GUCY1A1: variants seen among roughly 807,000 people sequenced by gnomAD.
GUCY1A1 encodes guanylate cyclase 1 soluble subunit alpha 1.
A neutral mutation model predicts 64.5 loss-of-function variants in GUCY1A1; 48 were observed. The observed-to-expected ratio is 0.74, with a 90% confidence interval of 0.59 to 0.95. The LOEUF is 0.95. Among genes scored for constraint, GUCY1A1 ranks in the 40% least tolerant of loss-of-function variants. GUCY1A1 has a pLI of 0.00. For missense variants in GUCY1A1, 804 were observed against 825.3 expected (o/e 0.97, Z 0.32); for synonymous variants, 308 against 303.4 (o/e 1.02, Z -0.16).
chr4:155,717,472 A>G (rs1054803529), intron 8 of GUCY1A1, among the ~76,000 whole-genome samples, 170 bp downstream of exon 8: 2 of 152,190 alleles, frequency 1.3e-5, no homozygotes, highest in Admixed American at 6.5e-5. Context: ...GAAATTTATT[A>G]TAGGGTATTA....
rs1393429213 is a variant in GUCY1A1 at position 155,731,508 on chromosome 4, C to T, written c.*1277C>T. 4 of 151,746 alleles carry T rather than the reference C, an allele frequency of 2.6e-5. No individual in the cohort carries two copies. The highest frequency in any genetic ancestry group is 5.9e-5 in the Non-Finnish European group (4 of 67,822). The allele number at this position is 151,746 out of a possible 1,614,324, so 9.4% of individuals were successfully genotyped here. On this transcript the variant is annotated 3_prime_UTR_variant, in exon 10 of 10. Transcript: ENST00000506455. ...CTAAGTATTTTTTCCGGAACTTCAACTTTTTCTTTTTGTTTTACATAAACA... is the reference window on the plus strand; with the variant it reads ...CTAAGTATTTTTTCCGGAACTTCAATTTTTTCTTTTTGTTTTACATAAACA...
At chr4:155,668,280 A>G (rs1406825329) in intron 2 of GUCY1A1, 1 of 152,192 alleles carries the variant, frequency 6.6e-6, no homozygotes, top group African/African-American at 2.4e-5. Context: ...TTATTCTTTC[A>G]TTTTGCACTC....
intron 4 of GUCY1A1, among the ~76,000 whole-genome samples, chr4:155,707,259 A>G (rs1265535515): frequency 1.3e-5 from 2 of 152,202 alleles, no homozygotes; most frequent in Non-Finnish European, 2.9e-5. Flanking sequence ...CCTACAGTGG[A>G]GTTACGTCCA....
chr4:155,701,188 T>C (rs189667794), intron 3 of GUCY1A1, among the ~76,000 whole-genome samples: 98 of 152,308 alleles, frequency 6.4e-4, no homozygotes, highest in Non-Finnish European at 1.9e-4. Context: ...TTGTTTTGAA[T>C]TTACAAAAAT....
intron 7 of GUCY1A1, among the ~76,000 whole-genome samples, chr4:155,715,251 C>T (rs1288173404): frequency 6.6e-6 from 1 of 152,062 alleles, no homozygotes; most frequent in East Asian, 1.9e-4. Flanking sequence ...TTCAGATACA[C>T]AAAATGTATA....
chr4:155,680,458 A>ATG (rs1299113001), intron 2 of GUCY1A1, among the ~76,000 whole-genome samples: 4 of 86,028 alleles, frequency 4.6e-5, no homozygotes, highest in Admixed American at 1.6e-4. Context: ...AATTTTAAGT[A>ATG]TATGTGTGTG....
Position 155,713,359 on chromosome 4 carries a change from A to C in GUCY1A1, c.1348A>C (p.Thr450Pro). 1.9e-6 allele frequency: 3 copies of C among 1,614,184 alleles called. No individual in the cohort carries two copies. Among genetic ancestry groups the C allele is most frequent in the Non-Finnish European group, 2.5e-6 (3 of 1,180,030 alleles). Residue 450 changes from threonine (T) to proline (P), a missense_variant, in exon 7 of 10, where the codon ACA (threonine) becomes CCA (proline). By Grantham distance (38) the Thr-to-Pro change is conservative (BLOSUM62 -1). Transcript: ENST00000506455. ...AGCCCTGGAGGAGGAGAAGAAAAAG[A>C]CAGTAGACCTTCTGTGCTCCATATT... ...HQALEEEKKKTVDLLCSIFPC... is the reference protein window; with the variant it reads ...HQALEEEKKKPVDLLCSIFPC...
At chr4:155,712,897 A>G (rs981788742) in intron 6 of GUCY1A1, among the ~76,000 whole-genome samples, 3 of 152,258 alleles carry the variant, frequency 2.0e-5, no homozygotes, top group African/African-American at 7.2e-5. Context: ...ATTTCTGTGT[A>G]GAGTATACTC....
chr4:155,725,688 G>C (rs1734566761), intron 9 of GUCY1A1, among the ~76,000 whole-genome samples: 1 of 151,790 alleles, frequency 6.6e-6, no homozygotes, highest in Admixed American at 6.6e-5. Context: ...CATGTTAGGG[G>C]GCACTGATAT....
chr4:155,721,187 C>T lies in GUCY1A1; in HGVS notation c.1717-851C>T, dbSNP rs200616350. On this transcript the variant is annotated intron_variant, in intron 8 of 9. Transcript: ENST00000506455. ...GCTGAGATGGGAGGATCATTTGGGC[C>T]CAGGGGTTCGAGGTTACAGTGAACT... 8.4e-4 allele frequency among the ~76,000 whole-genome samples: 47 copies of T among 55,798 alleles called. No homozygotes were observed. The East Asian group carries it at 0.023, about 27-fold the overall frequency. 36.6% of individuals were successfully genotyped at this position (55,798 alleles called of 152,430 possible).
At chr4:155,691,671 G>C (rs945822574) in intron 2 of GUCY1A1, among the ~76,000 whole-genome samples, 1 of 152,070 alleles carries the variant, frequency 6.6e-6, no homozygotes, top group Non-Finnish European at 1.5e-5. Flanking sequence ...ACAGATATTG[G>C]CATGTCCAGG....
At chr4:155,714,364 A>G (rs1220868246) in intron 7 of GUCY1A1, among the ~76,000 whole-genome samples, 1 of 152,234 alleles carries the variant, frequency 6.6e-6, no homozygotes, top group East Asian at 1.9e-4. Context: ...CATGATATTC[A>G]TCAGTCATAC....
At chr4:155,707,949 C>T (rs573134237) in intron 4 of GUCY1A1, among the ~76,000 whole-genome samples, 177 of 151,240 alleles carry the variant, frequency 1.2e-3, no homozygotes, top group African/African-American at 4.0e-3. Flanking sequence ...AGTAATTCTT[C>T]TGCCTCAGCC....
In GUCY1A1 at chr4:155,711,154, A is replaced by T; in HGVS notation, c.989A>T (p.Lys330Ile). 1 of 1,613,894 alleles carries T rather than the reference A, an allele frequency of 6.2e-7. No homozygotes were observed. Residue 330 changes from lysine to isoleucine, a missense_variant, in exon 6 of 10, where the codon AAA becomes ATA. By Grantham distance (102) the Lys-to-Ile change is moderately radical. Transcript: ENST00000506455. Reference sequence around the variant, plus strand: ...GAATACTTTGAAATTCTGACTCCAAAAATCAACCAGACGTTTAGCGGGATC... The same window carrying T: ...GAATACTTTGAAATTCTGACTCCAATAATCAACCAGACGTTTAGCGGGATC... ...FEEYFEILTP[K>I]INQTFSGIMT...
intron 3 of GUCY1A1, among the ~76,000 whole-genome samples, chr4:155,702,714 A>G (rs1731252018): frequency 6.6e-6 from 1 of 151,996 alleles, no homozygotes; most frequent in South Asian, 2.1e-4. Context: ...GTTTTCTTTC[A>G]ATACATTTTT....
At chr4:155,679,534 G>A (rs1735426909) in intron 2 of GUCY1A1, among the ~76,000 whole-genome samples, 1 of 152,096 alleles carries the variant, frequency 6.6e-6, no homozygotes, top group South Asian at 2.1e-4. Flanking sequence ...GAGACACCAG[G>A]CTTTTGTGTA....
intron 4 of GUCY1A1, among the ~76,000 whole-genome samples, chr4:155,707,117 A>G (rs1731884244): frequency 1.3e-5 from 2 of 152,208 alleles, no homozygotes; most frequent in Admixed American, 1.3e-4. Context: ...AAAATATATA[A>G]TATTACTTAA....
At chr4:155,674,521 T>C (rs1734625357) in intron 2 of GUCY1A1, among the ~76,000 whole-genome samples, 1 of 151,566 alleles carries the variant, frequency 6.6e-6, no homozygotes, top group Non-Finnish European at 1.5e-5. Context: ...TATATGCTTA[T>C]TCTAACAGAT....
rs1736106976 is a variant in GUCY1A1, at chr4:155,736,887, T to C, written c.*6656T>C. 1 of 151,918 alleles carries C rather than the reference T, an allele frequency of 6.6e-6. No homozygotes were observed. The highest frequency in any genetic ancestry group is 6.6e-5 in the Admixed American group (1 of 15,214). 9.4% of individuals were successfully genotyped at this position (151,918 alleles called of 1,614,324 possible). A position where few individuals can be genotyped will look rare whatever the true frequency, so the allele number is the denominator to read the frequency against. ...CTTCTTAGTACTAACAACACTCCTT[T>C]TATTATTACCTTCATAGTTACTTTA... On this transcript the variant is annotated 3_prime_UTR_variant, in exon 10 of 10. Transcript: ENST00000506455.
Sources: allele counts gnomAD v4.1 joint callset (sites outside exome capture counted in the v4.1 genomes callset), GRCh38; gene constraint gnomAD v4.1.1; transcripts MANE v1.5; gene names NCBI Gene and HGNC (gene_info 2026-07-23, HGNC 2026-07-21).